CHN2: variants seen among roughly 807,000 people sequenced by gnomAD.
The protein encoded by CHN2 is chimerin 2.
A neutral mutation model predicts 56.3 loss-of-function variants in CHN2; 35 were observed. The ratio of observed to expected loss-of-function variants is 0.62; its 90% CI spans 0.47 to 0.82. The LOEUF (loss-of-function observed/expected upper bound fraction) is 0.82, where lower values mean the gene tolerates loss of function less well. Ranked by LOEUF, CHN2 falls within the 40% of genes least tolerant of loss-of-function variation. The probability of loss-of-function intolerance (pLI) is 0.00; values close to 1 mark genes in which losing one functional copy is unlikely to be tolerated. For synonymous variants in CHN2, 210 were observed against 212.8 expected, an observed-to-expected ratio of 0.99 and a Z score of 0.12; for missense variants, 491 against 580.5, an observed-to-expected ratio of 0.85 and a Z score of 1.58.
intron 6 of CHN2, among the ~76,000 whole-genome samples, chr7:29,425,198 C>T (rs748929517): frequency 3.3e-5 from 5 of 152,214 alleles, no homozygotes; most frequent in Non-Finnish European, 5.9e-5. Flanking sequence ...GGCCATATGG[C>T]ACTTCAGACC....
At chr7:29,244,573 C>A (rs924519704) in intron 1 of CHN2, among the ~76,000 whole-genome samples, 1 of 152,142 alleles carries the variant, frequency 6.6e-6, no homozygotes, top group African/African-American at 2.4e-5. Context: ...GAAGGAGCCC[C>A]GATCGATTAG....
At chr7:29,337,598 A>G (rs1707641682) in intron 1 of CHN2, among the ~76,000 whole-genome samples, 1 of 152,202 alleles carries the variant, frequency 6.6e-6, no homozygotes, top group Non-Finnish European at 1.5e-5. Context: ...AGACCTACTG[A>G]TGCTGTCACC....
At chr7:29,478,989 T>C (rs1038179932) in intron 6 of CHN2, among the ~76,000 whole-genome samples, 1 of 152,168 alleles carries the variant, frequency 6.6e-6, no homozygotes, top group African/African-American at 2.4e-5. Flanking sequence ...GGGCCCTTGT[T>C]TGAGTAGAGG....
chr7:29,504,696 T>TC, intron 9 of CHN2, 48 bp from the exon 10 acceptor site: 1 of 1,237,222 alleles, frequency 8.1e-7, no homozygotes, highest in Non-Finnish European at 1.2e-6. Context: ...TTTTTTTTTT[T>TC]AGATGTTTCA....
At chr7:29,479,841 G>A in intron 6 of CHN2, 2 of 1,312,976 alleles carry the variant, frequency 1.5e-6, no homozygotes, top group Admixed American at 3.2e-5. Context: ...TACCGCTTCT[G>A]GGGGTTGCTG....
intron 1 of CHN2, among the ~76,000 whole-genome samples, chr7:29,235,681 G>A (rs1361758081): frequency 2.0e-5 from 3 of 152,210 alleles, no homozygotes; most frequent in African/African-American, 7.2e-5. Flanking sequence ...TGTAGTACAT[G>A]TGCACCATGG....
chr7:29,486,708 C>A (rs1201141273), intron 7 of CHN2, among the ~76,000 whole-genome samples: 1 of 152,116 alleles, frequency 6.6e-6, no homozygotes, highest in East Asian at 1.9e-4. Context: ...CCATGGCACA[C>A]CCCATCGCGT....
intron 1 of CHN2, among the ~76,000 whole-genome samples, chr7:29,328,834 C>T (rs576062032): frequency 5.3e-5 from 8 of 152,126 alleles, no homozygotes; most frequent in Admixed American, 3.9e-4. Context: ...GACATGTTTT[C>T]GTAATTGGAA....
rs571965809 is a variant in CHN2, at chr7:29,311,576, G to T, written c.50-43049G>T. Among the ~76,000 whole-genome samples, 4 of 152,322 alleles carry T rather than the reference G, an allele frequency of 2.6e-5. No homozygotes were observed. The South Asian group carries it at 8.3e-4, about 32-fold the overall frequency. ...ACAGATAGGGACTAATAAGATTCAG[G>T]TTCAAACACAGGCAGTGTGGCTCCA... On this transcript the variant is annotated intron_variant, in intron 1 of 12. Transcript: ENST00000222792.
chr7:29,394,110 G>A (rs904714185), intron 4 of CHN2, among the ~76,000 whole-genome samples: 1 of 152,116 alleles, frequency 6.6e-6, no homozygotes, highest in Non-Finnish European at 1.5e-5. Context: ...GTGTACCTCG[G>A]TGCGGTGGTC....
intron 1 of CHN2, among the ~76,000 whole-genome samples, chr7:29,237,679 A>T (rs1787303944): frequency 6.6e-6 from 1 of 152,166 alleles, no homozygotes; most frequent in Admixed American, 6.5e-5. Context: ...TGGAGGCAGG[A>T]GATCAGCTCT....
chr7:29,265,357 C>T (rs1438697971), intron 1 of CHN2, among the ~76,000 whole-genome samples: 1 of 152,206 alleles, frequency 6.6e-6, no homozygotes, highest in Non-Finnish European at 1.5e-5. Flanking sequence ...GAACAGGGCA[C>T]AACTTCCACT....
intron 1 of CHN2, among the ~76,000 whole-genome samples, chr7:29,303,329 G>A (rs1049822503): frequency 2.0e-5 from 3 of 152,196 alleles, no homozygotes; most frequent in African/African-American, 4.8e-5. Context: ...GGGCCTGCGG[G>A]AATCATTCAC....
At chr7:29,206,970 T>G (rs1454306765) in intron 1 of CHN2, among the ~76,000 whole-genome samples, 1 of 152,188 alleles carries the variant, frequency 6.6e-6, no homozygotes, top group African/African-American at 2.4e-5. Flanking sequence ...GAGTGACTGC[T>G]AATAGGTATG....
intron 9 of CHN2, among the ~76,000 whole-genome samples, chr7:29,501,976 G>C (rs762441145): frequency 6.6e-6 from 1 of 152,168 alleles, no homozygotes; most frequent in African/African-American, 2.4e-5. Flanking sequence ...AATATGAATG[G>C]AATCAACTGT....
At chr7:29,182,392 TG>T (rs1798171271) in intron 2 of CHN2, among the ~76,000 whole-genome samples, 1 of 149,240 alleles carries the variant, frequency 6.7e-6, no homozygotes, top group Non-Finnish European at 1.5e-5. Context: ...CATTGTGATA[TG>T]ACACATAGAG....
At chr7:29,219,513 A>G (rs914120385) in intron 1 of CHN2, among the ~76,000 whole-genome samples, 1 of 152,190 alleles carries the variant, frequency 6.6e-6, no homozygotes, top group Non-Finnish European at 1.5e-5. Context: ...TGTATCAAAT[A>G]TAAGTGGTTT....
chr7:29,168,990 A>G (rs2128722040), intron 2 of CHN2, among the ~76,000 whole-genome samples: 1 of 152,316 alleles, frequency 6.6e-6, no homozygotes, highest in African/African-American at 2.4e-5. Context: ...TTTGATGAAA[A>G]TGGAAGTCCT....
At chr7:29,374,568 G>C (rs955332117) in intron 3 of CHN2, among the ~76,000 whole-genome samples, 1 of 152,130 alleles carries the variant, frequency 6.6e-6, no homozygotes, top group Non-Finnish European at 1.5e-5. Flanking sequence ...CCAAGGTGAG[G>C]TCATAAGCGC....
Sources: allele counts gnomAD v4.1 joint callset (sites outside exome capture counted in the v4.1 genomes callset), GRCh38; gene constraint gnomAD v4.1.1; transcripts MANE v1.5; gene names NCBI Gene and HGNC (gene_info 2026-07-23, HGNC 2026-07-21).